ARFGEF1: variants seen among roughly 807,000 people sequenced by gnomAD.
The protein encoded by ARFGEF1 is brefeldin A-inhibited guanine nucleotide-exchange protein 1.
ARFGEF1 carries 42 observed loss-of-function variants against 231.0 expected under a neutral mutation model. The observed-to-expected ratio is 0.18, with a 90% CI of 0.14 to 0.24. The LOEUF is 0.24. Ranked by LOEUF, ARFGEF1 falls within the 10% of genes least tolerant of loss-of-function variation. The probability of loss-of-function intolerance (pLI) is 1.00; values close to 1 mark genes in which losing one functional copy is unlikely to be tolerated. For synonymous variants in ARFGEF1, 710 were observed against 732.3 expected, an observed-to-expected ratio of 0.97 and a Z score of 0.49; for missense variants, 1,345 against 2,192.0, an observed-to-expected ratio of 0.61 and a Z score of 7.72.
At chr8:67,292,323 T>A (rs965251571) in intron 5 of ARFGEF1, among the ~76,000 whole-genome samples, 200 bp from the exon 6 acceptor site, 1 of 152,134 alleles carries the variant, frequency 6.6e-6, no homozygotes, top group Non-Finnish European at 1.5e-5. Flanking sequence ...AATTGGCACA[T>A]AAGAACAGAG....
At chr8:67,193,696 G>A, downstream of ARFGEF1, 1 of 1,148,814 alleles carries the variant, frequency 8.7e-7, no homozygotes, top group Non-Finnish European at 1.2e-6. Context: ...AGGGATAGAT[G>A]GAATGAGTTT....
intron 14 of ARFGEF1, among the ~76,000 whole-genome samples, chr8:67,260,835 T>C (rs997329787): frequency 6.6e-6 from 1 of 152,206 alleles, no homozygotes; most frequent in African/African-American, 2.4e-5. Context: ...GGAAAAGTTC[T>C]TGAAGGAAGT....
At chr8:67,193,559 A>G (rs370606990), downstream of ARFGEF1, 7 of 1,613,820 alleles carry the variant, frequency 4.3e-6, no homozygotes, top group South Asian at 5.5e-5. Flanking sequence ...ATGAGGAACG[A>G]ATGCGAAGAC....
At position 67,302,843 on chromosome 8, in the gene ARFGEF1, C is replaced by T. The variant is rs1000761524; in HGVS notation, c.125-377G>A. ...TAATCCTAGTGCTTTGGGAGGCCAA[C>T]GCAGGAGGATCACTTGAGGCAAGGA... On this transcript the variant is annotated intron_variant, in intron 1 of 38. Coordinates refer to ENST00000262215, the MANE Select transcript of ARFGEF1 (RefSeq NM_006421.5). Among the ~76,000 whole-genome samples the T allele has an allele frequency of 8.9e-5, 13 of 145,510 alleles. No individual in the cohort carries two copies. The East Asian group carries it at 1.8e-3, about 20-fold the overall frequency.
chr8:67,305,933 C>T (rs1019129186), intron 1 of ARFGEF1, among the ~76,000 whole-genome samples: 4 of 151,992 alleles, frequency 2.6e-5, no homozygotes, highest in Middle Eastern at 3.2e-3. Context: ...ATACTATGGC[C>T]GTAATTTTCA....
At chr8:67,222,414 C>T (rs1297944717) in intron 29 of ARFGEF1, among the ~76,000 whole-genome samples, 3 of 151,122 alleles carry the variant, frequency 2.0e-5, no homozygotes, top group Non-Finnish European at 4.4e-5. Flanking sequence ...TACAGGTGTG[C>T]ACCACCACAC....
At chr8:67,289,363 G>A (rs1320304182) in intron 6 of ARFGEF1, among the ~76,000 whole-genome samples, 1 of 151,906 alleles carries the variant, frequency 6.6e-6, no homozygotes, top group Admixed American at 6.6e-5. Flanking sequence ...AGACCAGCCT[G>A]GGCAACACAG....
intron 7 of ARFGEF1, among the ~76,000 whole-genome samples, chr8:67,287,315 C>G (rs1805802256): frequency 6.6e-6 from 1 of 152,004 alleles, no homozygotes; most frequent in Admixed American, 6.5e-5. Flanking sequence ...CTCTAATGAG[C>G]TTCCCTGGTA....
rs1416248198 is a variant in ARFGEF1, at chr8:67,339,805, G to A, written c.124+3359C>T. Among the ~76,000 whole-genome samples, 11 of 92,758 alleles carry A rather than the reference G, an allele frequency of 1.2e-4. 1 individual carries two copies. The East Asian group carries it at 3.0e-3, about 25-fold the overall frequency. 60.9% of individuals were successfully genotyped at this position (92,758 alleles called of 152,430 possible). On this transcript the variant is annotated intron_variant, in intron 1 of 38. Transcript: ENST00000262215. Reference sequence around the variant, plus strand: ...TGTAACAGTGTGGGGCGGGGGGGGGGATTCTTTCTTTTTTAACCATTCTTT... The same window carrying A: ...TGTAACAGTGTGGGGCGGGGGGGGGAATTCTTTCTTTTTTAACCATTCTTT...
At chr8:67,255,878 T>C (rs922102644) in intron 17 of ARFGEF1, among the ~76,000 whole-genome samples, 1 of 152,252 alleles carries the variant, frequency 6.6e-6, no homozygotes, top group Non-Finnish European at 1.5e-5. Flanking sequence ...CTAACTGGTA[T>C]GTCCTTAGAA....
chr8:67,326,444 T>C (rs2128930354), intron 1 of ARFGEF1, among the ~76,000 whole-genome samples: 1 of 152,330 alleles, frequency 6.6e-6, no homozygotes, highest in East Asian at 1.9e-4. Context: ...TTTCCATACC[T>C]TTTCTGGATG....
intron 4 of ARFGEF1, among the ~76,000 whole-genome samples, chr8:67,298,995 G>A (rs1806360990): frequency 6.6e-6 from 1 of 152,130 alleles, no homozygotes; most frequent in Non-Finnish European, 1.5e-5. Context: ...TGTTGGCCAG[G>A]CTGCTCTCAA....
downstream of ARFGEF1, chr8:67,195,559 T>A (rs771365440): frequency 7.4e-6 from 12 of 1,614,080 alleles, no homozygotes; most frequent in East Asian, 2.7e-4. Flanking sequence ...CCAGGCACTT[T>A]CACTTGGCAG....
At position 67,253,552 on chromosome 8, in the gene ARFGEF1, G is replaced by A; in HGVS notation, c.2597C>T (p.Pro866Leu). The A allele has an allele frequency of 6.3e-7, 1 of 1,587,088 alleles. No individual in the cohort carries two copies. The highest frequency in any genetic ancestry group is 8.6e-7 in the Non-Finnish European group (1 of 1,156,906). The stretch of plus-strand genomic sequence containing the variant: ...ATAGATGGCTGATAGATACTCTTCA[G>A]GAAGGTCTTTACTGTCATTGATACC... ...NRGINDSKDL[P>L]EEYLSAIYNE... Residue 866 changes from proline (P) to leucine (L), a missense_variant, in exon 18 of 39, where the codon CCT (proline) becomes CTT (leucine). This residue lies in a region of ARFGEF1 where 58 missense variants were observed against 133.6 expected (regional missense o/e 0.43). Coordinates refer to ENST00000262215, the MANE Select transcript of ARFGEF1 (RefSeq NM_006421.5).
chr8:67,284,701 G>C (rs1250449189), intron 7 of ARFGEF1, among the ~76,000 whole-genome samples: 5 of 152,136 alleles, frequency 3.3e-5, no homozygotes, highest in Non-Finnish European at 5.9e-5. Context: ...ACGTGAAGTA[G>C]AACTACAAAT....
At chr8:67,311,773 A>G (rs1307243676) in intron 1 of ARFGEF1, among the ~76,000 whole-genome samples, 2 of 152,212 alleles carry the variant, frequency 1.3e-5, no homozygotes, top group Non-Finnish European at 2.9e-5. Context: ...CAGGATGACA[A>G]TGGCGGCTTT....
At chr8:67,287,220 C>A (rs947213771) in intron 7 of ARFGEF1, among the ~76,000 whole-genome samples, 1 of 152,172 alleles carries the variant, frequency 6.6e-6, no homozygotes, top group Admixed American at 6.5e-5. Context: ...ATGCTGAACA[C>A]CAACCTTCCT....
chr8:67,240,387 T>C, intron 19 of ARFGEF1, 97 bp from the exon 20 acceptor site: 3 of 1,175,844 alleles, frequency 2.6e-6, no homozygotes, highest in Non-Finnish European at 3.5e-6. Flanking sequence ...AAAAAAGAAA[T>C]GAAATTCTTG....
intron 19 of ARFGEF1, among the ~76,000 whole-genome samples, chr8:67,248,740 G>A (rs7004391): frequency 0.024 from 3,622 of 150,460 alleles, 234 homozygotes; most frequent in South Asian, 0.048. Flanking sequence ...CAGAGAAGGT[G>A]CAATACTCTC....
Sources: gnomAD v4.1 joint callset for allele counts (sites outside exome capture counted in the v4.1 genomes callset) on GRCh38, gnomAD v4.1.1 for gene constraint, gnomAD v4.1.1 regional missense constraint, MANE v1.5 for transcripts, NCBI Gene and HGNC (gene_info 2026-07-23, HGNC 2026-07-21) for gene names.